PTPRD: variants seen among roughly 807,000 people sequenced by gnomAD.
PTPRD encodes protein tyrosine phosphatase receptor type D.
In PTPRD, 34 loss-of-function variants were observed where a neutral mutation model predicts 214.5. The observed-to-expected ratio is 0.16, with a 90% confidence interval of 0.12 to 0.21. PTPRD has a LOEUF of 0.21. Among genes scored for constraint, PTPRD ranks in the 10% least tolerant of loss-of-function variants. The pLI is 1.00. For missense variants in PTPRD, 2,545 were observed against 2,398.7 expected (o/e 1.06, Z -1.27); for synonymous variants, 1,128 against 845.7 (o/e 1.33, Z -5.79).
chr9:8,508,895 G>C (rs200479953), intron 21 of PTPRD, among the ~76,000 whole-genome samples: 139 of 125,286 alleles, frequency 1.1e-3, no homozygotes, highest in East Asian at 5.0e-3. Flanking sequence ...GTGTGTCTGT[G>C]TGTGTGTGTG....
In PTPRD at chr9:8,317,116, T is replaced by C. The variant is rs1024217646; in HGVS notation, c.*758A>G. 4 of 231,646 alleles carry C rather than the reference T, an allele frequency of 1.7e-5. No homozygotes were observed. Among genetic ancestry groups the C allele is most frequent in the African/African-American group, 8.9e-5 (4 of 45,010 alleles). 14.3% of individuals were successfully genotyped at this position (231,646 alleles called of 1,614,324 possible). ...TCAAAACTGAAGTGTAAAATTAATA[T>C]ATCTGACGAGACTGATACTGTAGAT... On this transcript the variant is annotated 3_prime_UTR_variant, in exon 46 of 46. Coordinates refer to ENST00000381196, the MANE Select transcript of PTPRD (RefSeq NM_002839.4).
chr9:9,442,987 G>C (rs1009025756), intron 8 of PTPRD, among the ~76,000 whole-genome samples: 1 of 152,100 alleles, frequency 6.6e-6, no homozygotes, highest in African/African-American at 2.4e-5. Context: ...GTGTGTGTGT[G>C]TATTTGCTTT....
chr9:8,651,873 C>T (rs146489991), intron 12 of PTPRD, among the ~76,000 whole-genome samples: 180 of 152,308 alleles, frequency 1.2e-3, no homozygotes, highest in Non-Finnish European at 1.9e-3. Flanking sequence ...CACAAGGTAA[C>T]ACTACACGAA....
chr9:9,413,393 C>T (rs1345807424), intron 8 of PTPRD, among the ~76,000 whole-genome samples: 1 of 151,898 alleles, frequency 6.6e-6, no homozygotes, highest in Non-Finnish European at 1.5e-5. Flanking sequence ...GGATTACAGG[C>T]GTGAGCCACC....
At chr9:9,645,494 C>G (rs563512052) in intron 7 of PTPRD, among the ~76,000 whole-genome samples, 17 of 147,366 alleles carry the variant, frequency 1.2e-4, no homozygotes, top group African/African-American at 3.9e-4. Context: ...CTATTTGCTT[C>G]TATTTGAAAT....
At chr9:8,417,473 T>C (rs1241051251) in intron 35 of PTPRD, among the ~76,000 whole-genome samples, 2 of 152,194 alleles carry the variant, frequency 1.3e-5, no homozygotes, top group African/African-American at 4.8e-5. Flanking sequence ...AAAACAAGTC[T>C]ACACTAACAG....
At chr9:9,059,329 A>T (rs189481031) in intron 10 of PTPRD, among the ~76,000 whole-genome samples, 41 of 152,338 alleles carry the variant, frequency 2.7e-4, no homozygotes. Context: ...CAGATAAGAA[A>T]TAAATGACAC....
intron 3 of PTPRD, among the ~76,000 whole-genome samples, chr9:10,141,657 G>T (rs879316491): frequency 6.6e-6 from 1 of 151,872 alleles, no homozygotes; most frequent in Non-Finnish European, 1.5e-5. Context: ...AATCAATATC[G>T]TGAAAATGGC....
At position 8,784,749 on chromosome 9, in the gene PTPRD, TC is replaced by T. The variant is rs1353993117; in HGVS notation, c.-103-50804del. ...TTCTCTACATCCACATTAGTTAACA[TC>T]CCCCCTGTATCTTAAACTCTCCATA... is the stretch of plus-strand genomic sequence containing the variant. On this transcript the variant is annotated intron_variant, in intron 11 of 45. Coordinates refer to ENST00000381196, the MANE Select transcript of PTPRD (RefSeq NM_002839.4). Among the ~76,000 whole-genome samples, 9 of 152,082 alleles carry T rather than the reference TC, an allele frequency of 5.9e-5. No homozygotes were observed. In the South Asian group the frequency reaches 1.0e-3, roughly 18 times the overall value.
chr9:8,453,226 C>G lies in PTPRD; in HGVS notation c.3876-3389G>C, dbSNP rs910991750. Among the ~76,000 whole-genome samples, 21 of 152,206 alleles carry G rather than the reference C, an allele frequency of 1.4e-4. No individual in the cohort carries two copies. The South Asian group carries it at 4.1e-3, about 30-fold the overall frequency. On this transcript the variant is annotated intron_variant, in intron 33 of 45. Transcript: ENST00000381196. ...TCGCCCAGGCTGGAGTGCAGTGGTG[C>G]GATCTCGGCTCACTGCAAGCTCTGC...
intron 2 of PTPRD, among the ~76,000 whole-genome samples, chr9:10,422,622 A>G (rs1469264996): frequency 6.6e-6 from 1 of 152,000 alleles, no homozygotes; most frequent in Non-Finnish European, 1.5e-5. Context: ...AAAACAAACA[A>G]CCCCATCAAA....
chr9:10,403,692 A>G (rs1481727505), intron 2 of PTPRD, among the ~76,000 whole-genome samples: 1 of 151,740 alleles, frequency 6.6e-6, no homozygotes, highest in Non-Finnish European at 1.5e-5. Context: ...ATATCAAGCC[A>G]TGAAAAGACA....
At chr9:9,831,632 A>G (rs1467750869) in intron 5 of PTPRD, among the ~76,000 whole-genome samples, 3 of 151,968 alleles carry the variant, frequency 2.0e-5, no homozygotes, top group African/African-American at 7.2e-5. Context: ...ACTACCTCTC[A>G]ATGTTCTTTA....
intron 39 of PTPRD, among the ~76,000 whole-genome samples, chr9:8,374,268 G>A (rs2082547843): frequency 6.6e-6 from 1 of 151,578 alleles, no homozygotes; most frequent in Non-Finnish European, 1.5e-5. Flanking sequence ...TGTTTCATGT[G>A]TGATTTTTAT....
chr9:10,171,126 G>A (rs2099201837), intron 3 of PTPRD, among the ~76,000 whole-genome samples: 1 of 152,184 alleles, frequency 6.6e-6, no homozygotes, highest in Non-Finnish European at 1.5e-5. Flanking sequence ...CTGCAGAAGT[G>A]AATTAAGTAT....
chr9:10,479,784 G>C (rs1009227213), intron 2 of PTPRD, among the ~76,000 whole-genome samples: 4 of 152,016 alleles, frequency 2.6e-5, no homozygotes, highest in Non-Finnish European at 5.9e-5. Flanking sequence ...TTACACGACT[G>C]TACTTCAGCC....
chr9:9,901,269 T>C (rs1343238982), intron 5 of PTPRD, among the ~76,000 whole-genome samples: 1 of 152,194 alleles, frequency 6.6e-6, no homozygotes, highest in Non-Finnish European at 1.5e-5. Context: ...GTCATTATAA[T>C]TATAAAACAA....
intron 11 of PTPRD, among the ~76,000 whole-genome samples, chr9:8,771,180 C>CAAAAAAAGAAAAAA (rs1555309585): frequency 1.4e-5 from 2 of 141,090 alleles, no homozygotes; most frequent in African/African-American, 5.5e-5. Context: ...GATTCCGTCT[C>CAAAAAAAGAAAAAA]AAAAAAAAAA....
intron 4 of PTPRD, among the ~76,000 whole-genome samples, chr9:10,013,722 CT>C (rs944731661): frequency 6.6e-6 from 1 of 151,884 alleles, no homozygotes. Context: ...ATGCTGACAA[CT>C]TCAGAATTGT....
Sources: gnomAD v4.1 joint callset for allele counts (sites outside exome capture counted in the v4.1 genomes callset) on GRCh38, gnomAD v4.1.1 for gene constraint, MANE v1.5 for transcripts, NCBI Gene and HGNC (gene_info 2026-07-23, HGNC 2026-07-21) for gene names.